Variants in IPO11 observed in about 807,000 individuals in gnomAD.
IPO11 encodes importin-11.
Under a neutral mutation model 143.2 loss-of-function variants are expected in IPO11, and 66 were observed. That is an observed-to-expected ratio of 0.46 (90% CI 0.38 to 0.57). IPO11 has a LOEUF of 0.57. IPO11 is among the 20% of genes least tolerant of loss of function. IPO11 has a pLI of 0.00. For synonymous variants in IPO11, 385 were observed against 377.8 expected, an observed-to-expected ratio of 1.02 and a Z score of -0.22; for missense variants, 1,026 against 1,141.0, an observed-to-expected ratio of 0.90 and a Z score of 1.45.
chr5:62,419,837 T>TA (rs1208504712), intron 1 of IPO11, among the ~76,000 whole-genome samples: 8 of 151,812 alleles, frequency 5.3e-5, no homozygotes, highest in Non-Finnish European at 1.2e-4. Flanking sequence ...CTACAAAAAG[T>TA]AAAAAAATTA....
At chr5:62,618,501 GTA>G (rs1337066699) in intron 29 of IPO11, among the ~76,000 whole-genome samples, 3 of 152,058 alleles carry the variant, frequency 2.0e-5, no homozygotes, top group Non-Finnish European at 4.4e-5. Flanking sequence ...TGATGAATAA[GTA>G]TTGTTTGCTT....
At chr5:62,571,608 G>C (rs916033813) in intron 27 of IPO11, among the ~76,000 whole-genome samples, 4 of 151,812 alleles carry the variant, frequency 2.6e-5, no homozygotes, top group Admixed American at 2.6e-4. Flanking sequence ...CATAATTTGT[G>C]ATAGCCTTTT....
intron 4 of IPO11, among the ~76,000 whole-genome samples, chr5:62,450,735 C>CCTA (rs1226551183): frequency 6.7e-6 from 1 of 148,372 alleles, no homozygotes; most frequent in Non-Finnish European, 1.5e-5. Context: ...ATTTTCAATT[C>CCTA]CTACTATTCT....
intron 28 of IPO11, among the ~76,000 whole-genome samples, chr5:62,591,899 G>T (rs951024243): frequency 1.3e-5 from 2 of 152,048 alleles, no homozygotes; most frequent in African/African-American, 4.8e-5. Context: ...GTCCAAGATG[G>T]AGTGCAGTGG....
At chr5:62,582,341 G>GT (rs748256458) in intron 27 of IPO11, among the ~76,000 whole-genome samples, 4 of 152,178 alleles carry the variant, frequency 2.6e-5, no homozygotes, top group Non-Finnish European at 5.9e-5. Context: ...TTGGTGATTG[G>GT]TTGAGGCGTG....
chr5:62,532,659 G>A (rs1473458090), intron 22 of IPO11, among the ~76,000 whole-genome samples: 1 of 152,062 alleles, frequency 6.6e-6, no homozygotes, highest in African/African-American at 2.4e-5. Flanking sequence ...TGCCCAGCCT[G>A]TGGTGTAGTT....
At position 62,484,170 on chromosome 5, in the gene IPO11, T is replaced by A; in HGVS notation, c.1174+8T>A. On this transcript the variant is annotated splice_region_variant and intron_variant, in intron 11 of 29. Transcript: ENST00000325324. ...AAGACCCAGAAGGCTTTAGTAAGAA[T>A]TAATTTTTTAGTGTTAGAATGACTT... The A allele has an allele frequency of 6.3e-7, 1 of 1,582,850 alleles. No individual in the cohort carries two copies. The highest frequency in any genetic ancestry group is 8.5e-7 in the Non-Finnish European group (1 of 1,170,704).
At chr5:62,431,057 A>G (rs1002018607) in intron 1 of IPO11, among the ~76,000 whole-genome samples, 72 of 150,860 alleles carry the variant, frequency 4.8e-4, no homozygotes, top group African/African-American at 1.6e-3. Flanking sequence ...CCTCACTGCA[A>G]CCTCCGCCTC....
At chr5:62,468,912 T>C (rs1011461257) in intron 6 of IPO11, among the ~76,000 whole-genome samples, 1 of 152,360 alleles carries the variant, frequency 6.6e-6, no homozygotes, top group South Asian at 2.1e-4. Flanking sequence ...AATTTACACT[T>C]ACGTGCATTT....
intron 1 of IPO11, among the ~76,000 whole-genome samples, chr5:62,435,136 G>GTATATATGTATATATGTA (rs1561308895): frequency 1.0e-5 from 1 of 95,900 alleles, no homozygotes; most frequent in Non-Finnish European, 1.9e-5. Context: ...GTATATATAT[G>GTATATATGTATATATGTA]TATATATGTA....
Position 62,412,826 on chromosome 5 carries a change from C to CGGCGGCGTGGGGTCT in IPO11, c.-106_-92dup, listed in dbSNP as rs1743163002. 6.5e-6 allele frequency: 1 copy of CGGCGGCGTGGGGTCT among 152,694 alleles called. No homozygotes were observed. Among genetic ancestry groups the CGGCGGCGTGGGGTCT allele is most frequent in the African/African-American group, 2.4e-5 (1 of 41,456 alleles). 9.5% of individuals were successfully genotyped at this position (152,694 alleles called of 1,614,324 possible). A position where few individuals can be genotyped will look rare whatever the true frequency, so the allele number is the denominator to read the frequency against. ...AGAAGCCGCTTTCGGCATCAGTAGG[C>CGGCGGCGTGGGGTCT]GGCGGCGTGGGGTCTGGCAGCGTGG... On this transcript the variant is annotated 5_prime_UTR_variant, in exon 1 of 30. Transcript: ENST00000325324.
intron 29 of IPO11, among the ~76,000 whole-genome samples, chr5:62,626,438 G>A (rs541049543): frequency 2.0e-5 from 3 of 152,130 alleles, no homozygotes; most frequent in Non-Finnish European, 1.5e-5. Flanking sequence ...AGTTTTTCCG[G>A]TAACACTCTT....
intron 27 of IPO11, chr5:62,580,658 C>G (rs1744515343): frequency 1.3e-6 from 2 of 1,551,332 alleles, no homozygotes; most frequent in Non-Finnish European, 1.7e-6. Flanking sequence ...TGTGTTACAT[C>G]TTCAATAAAT....
chr5:62,563,051 T>C (rs1743824134), intron 27 of IPO11, among the ~76,000 whole-genome samples: 1 of 152,226 alleles, frequency 6.6e-6, no homozygotes. Context: ...ATGCCTCTTT[T>C]AACCACCAGG....
rs115928805 is a variant in IPO11 at position 62,418,146 on chromosome 5, A to G, written c.-7+5217A>G. On this transcript the variant is annotated intron_variant, in intron 1 of 29. Transcript: ENST00000325324. The stretch of plus-strand genomic sequence containing the variant: ...GCTGGGATTACAGGCATGCACTACC[A>G]TGCCCACGCCTGCCTAGTTTTTTTT... 8.1e-3 allele frequency among the ~76,000 whole-genome samples: 1,197 copies of G among 148,108 alleles called. 20 individuals are homozygous for G. The highest frequency in any genetic ancestry group is 0.028 in the African/African-American group (1,133 of 40,016).
chr5:62,603,133 A>G (rs1264433280), intron 29 of IPO11, among the ~76,000 whole-genome samples: 3 of 152,236 alleles, frequency 2.0e-5, no homozygotes, highest in Admixed American at 2.0e-4. Flanking sequence ...AGAAGCTCCT[A>G]CAGCATATTT....
At chr5:62,544,098 T>G (rs1253205175) in intron 24 of IPO11, among the ~76,000 whole-genome samples, 2 of 152,146 alleles carry the variant, frequency 1.3e-5, no homozygotes, top group Non-Finnish European at 2.9e-5. Context: ...CCCTAACTCA[T>G]TTTATGAGGC....
intron 1 of IPO11, among the ~76,000 whole-genome samples, chr5:62,415,385 C>T (rs1232653352): frequency 6.6e-6 from 1 of 151,790 alleles, no homozygotes; most frequent in East Asian, 1.9e-4. Context: ...TGGTCTTGAA[C>T]TCCTGACCTC....
intron 5 of IPO11, among the ~76,000 whole-genome samples, chr5:62,454,730 T>A (rs1220717397): frequency 6.6e-6 from 1 of 152,244 alleles, no homozygotes; most frequent in Non-Finnish European, 1.5e-5. Flanking sequence ...TGTCGACTTA[T>A]TTTTCTCAGA....
Sources: gnomAD v4.1 joint callset for allele counts (sites outside exome capture counted in the v4.1 genomes callset) on GRCh38, gnomAD v4.1.1 for gene constraint, MANE v1.5 for transcripts, NCBI Gene and HGNC (gene_info 2026-07-23, HGNC 2026-07-21) for gene names.